The following MBD3 variants were observed in gnomAD, a reference collection of about 807,000 sequenced individuals.
MBD3 encodes methyl-CpG binding domain protein 3.
MBD3 carries 13 observed loss-of-function variants against 31.2 expected under a neutral mutation model. The ratio of observed to expected loss-of-function variants is 0.42; its 90% CI spans 0.27 to 0.66. The LOEUF is 0.66. Ranked by LOEUF, MBD3 falls within the 30% of genes least tolerant of loss-of-function variation. MBD3 has a pLI of 0.26. For missense variants in MBD3, 440 were observed against 426.5 expected (o/e 1.03, Z -0.28); for synonymous variants, 223 against 187.4 (o/e 1.19, Z -1.55).
chr19:1,579,959 T>A (rs11673199), intron 5 of MBD3, among the ~76,000 whole-genome samples: 2,051 of 152,294 alleles, frequency 0.013, 20 homozygotes, highest in Non-Finnish European at 0.022. Flanking sequence ...GGTTTCACCA[T>A]GTTGGCCAGG....
chr19:1,592,416 C>T (rs1400502964), intron 1 of MBD3, 106 bp downstream of exon 1: 2 of 302,526 alleles, frequency 6.6e-6, no homozygotes, highest in African/African-American at 2.3e-5. Flanking sequence ...ACGCACGACG[C>T]ACGCGCGGGG....
rs537537919 is a variant in MBD3, at chr19:1,578,032, C to G, written c.*132G>C. 1 of 508,358 alleles carries G rather than the reference C, an allele frequency of 2.0e-6. No homozygotes were observed. Among genetic ancestry groups the G allele is most frequent in the South Asian group, 2.2e-5 (1 of 46,128 alleles). 31.5% of individuals were successfully genotyped at this position (508,358 alleles called of 1,614,324 possible). On this transcript the variant is annotated 3_prime_UTR_variant, in exon 7 of 7. Transcript: ENST00000434436. This position sits in a 1 kb window ranked among gnomAD's most constrained non-coding sequence, Gnocchi z 6.1. ...AAGTGGGGACGGGCCGAGGAGGGAG[C>G]CAGGAGCACGGCCTTCCTCCTGGGT...
rs938969526 is a variant in MBD3, at chr19:1,577,887, T to A, written c.*277A>T. ...GAGCTGGCCTCGAGCCCAAAGGTCG[T>A]AGGGAGCCAGGCAGGGCCCAGGAGC... On this transcript the variant is annotated 3_prime_UTR_variant, in exon 7 of 7. Coordinates refer to ENST00000434436, the MANE Select transcript of MBD3 (RefSeq NM_001281453.2). The A allele has an allele frequency of 4.9e-6, 1 of 204,682 alleles. No individual in the cohort carries two copies. The highest frequency in any genetic ancestry group is 1.0e-5 in the Non-Finnish European group (1 of 99,380). 12.7% of individuals were successfully genotyped at this position (204,682 alleles called of 1,614,324 possible).
chr19:1,573,808 C>T lies in MBD3; in HGVS notation c.*4356G>A, dbSNP rs566668141. 2.6e-5 allele frequency: 4 copies of T among 152,100 alleles called. No individual in the cohort carries two copies. The highest frequency in any genetic ancestry group is 4.2e-4 in the South Asian group (2 of 4,810). 9.4% of individuals were successfully genotyped at this position (152,100 alleles called of 1,614,324 possible). On this transcript the variant is annotated 3_prime_UTR_variant, in exon 7 of 7. Coordinates refer to ENST00000434436, the MANE Select transcript of MBD3 (RefSeq NM_001281453.2). ...TTGCCCTCAACAAAATTCTTTTGCC[C>T]GTGGCCAACATGGTGAAACCCTGTC... is the stretch of plus-strand genomic sequence containing the variant.
intron 4 of MBD3, 37 bp from the exon 5 acceptor site, chr19:1,581,306 G>A (rs370702426): frequency 1.4e-5 from 22 of 1,591,674 alleles, no homozygotes; most frequent in East Asian, 2.3e-5. Context: ...AAGTGGAGAG[G>A]TCACCACGGG....
In MBD3 at chr19:1,588,319, G is replaced by A. The variant is rs914321144; in HGVS notation, c.111-3105C>T. 3.3e-5 allele frequency among the ~76,000 whole-genome samples: 5 copies of A among 152,148 alleles called. No individual in the cohort carries two copies. In the East Asian group the frequency reaches 5.8e-4, roughly 18 times the overall value. On this transcript the variant is annotated intron_variant, in intron 1 of 6. Transcript: ENST00000434436. The stretch of plus-strand genomic sequence containing the variant: ...TTAATTACTCTCTGGACTGGCTGAC[G>A]TTCAGTCGAAGCTGGTTTGCCCAGG...
At position 1,592,739 on chromosome 19, in the gene MBD3, C is replaced by T. The variant is rs924226911; in HGVS notation, c.-108G>A. The T allele has an allele frequency of 4.2e-6, 1 of 238,084 alleles. No individual in the cohort carries two copies. The highest frequency in any genetic ancestry group is 6.7e-6 in the Non-Finnish European group (1 of 148,156). The allele number at this position is 238,084 out of a possible 1,614,324, so 14.7% of individuals were successfully genotyped here. On this transcript the variant is annotated 5_prime_UTR_variant, in exon 1 of 7. Coordinates refer to ENST00000434436, the MANE Select transcript of MBD3 (RefSeq NM_001281453.2). ...CTGCCGCTGCCGCCGCCGCCACTTGCCGCGGCTGTTCCGGCCCGCGGGCCC... is the reference window on the plus strand; with the variant it reads ...CTGCCGCTGCCGCCGCCGCCACTTGTCGCGGCTGTTCCGGCCCGCGGGCCC...
chr19:1,581,980 G>T (rs1599342118), intron 4 of MBD3, among the ~76,000 whole-genome samples: 2 of 152,238 alleles, frequency 1.3e-5, no homozygotes, highest in South Asian at 2.1e-4. Flanking sequence ...TGTTAGCCAG[G>T]ATGATCTCGA....
At chr19:1,580,999 A>G in intron 5 of MBD3, 93 bp downstream of exon 5, 1 of 1,473,186 alleles carries the variant, frequency 6.8e-7, no homozygotes, top group Non-Finnish European at 9.4e-7. Context: ...CATCGTGGGG[A>G]GACGGGAAGC....
chr19:1,586,912 C>G (rs779141593), intron 1 of MBD3, among the ~76,000 whole-genome samples: 14 of 151,728 alleles, frequency 9.2e-5, no homozygotes, highest in Non-Finnish European at 1.9e-4. Flanking sequence ...GGTGATCTGT[C>G]CGCCTCAGCC....
At chr19:1,592,393 G>T in intron 1 of MBD3, 129 bp downstream of exon 1, 1 of 222,166 alleles carries the variant, frequency 4.5e-6, no homozygotes, top group South Asian at 1.6e-4. Flanking sequence ...ACGCACGCAA[G>T]ACGCACGCAC....
chr19:1,585,644 G>T lies in MBD3; in HGVS notation c.111-430C>A. On this transcript the variant is annotated intron_variant, in intron 1 of 6. Transcript: ENST00000434436. The surrounding 1 kb of genome is among the most constrained non-coding windows in gnomAD (Gnocchi z 4.1). ...CAAACGCTACTACCTACAGGGCTTT[G>T]GGCCCCGGCTCTGGGAGGATGGCTC... The T allele has an allele frequency of 4.5e-6, 1 of 224,536 alleles. No individual in the cohort carries two copies. The allele number at this position is 224,536 out of a possible 1,614,324, so 13.9% of individuals were successfully genotyped here.
chr19:1,589,129 C>T (rs1252984712), intron 1 of MBD3, among the ~76,000 whole-genome samples: 4 of 151,844 alleles, frequency 2.6e-5, no homozygotes, highest in Admixed American at 1.3e-4. Flanking sequence ...ATCAGGAGTT[C>T]GAGACCAGCC....
chr19:1,583,351 G>C (rs1265545937), intron 3 of MBD3: 2 of 132,962 alleles, frequency 1.5e-5, no homozygotes, highest in African/African-American at 2.9e-5. Flanking sequence ...TCCTGCCACT[G>C]CACTCCAGCC....
chr19:1,590,007 T>C (rs979986571), intron 1 of MBD3, among the ~76,000 whole-genome samples: 1 of 152,114 alleles, frequency 6.6e-6, no homozygotes, highest in South Asian at 2.1e-4. Flanking sequence ...ACTTTGTCAA[T>C]GTACTAAAAA....
At chr19:1,580,920 G>A (rs543372135) in intron 5 of MBD3, among the ~76,000 whole-genome samples, 172 bp downstream of exon 5, 4 of 152,220 alleles carry the variant, frequency 2.6e-5, no homozygotes, top group Non-Finnish European at 5.9e-5. Flanking sequence ...GGACGCGGGT[G>A]AAACGGTTCA....
At position 1,578,135 on chromosome 19, in the gene MBD3, C is replaced by T. The variant is rs1024196105; in HGVS notation, c.*29G>A. On this transcript the variant is annotated 3_prime_UTR_variant, in exon 7 of 7. Transcript: ENST00000434436. This position sits in a 1 kb window ranked among gnomAD's most constrained non-coding sequence, Gnocchi z 6.1. ...CGCGTCTGCAGGCGGCTCCAGCAGG[C>T]AGCACGGGCTCTCGGCAGGGCCTCT... 8.8e-6 allele frequency: 7 copies of T among 798,736 alleles called. No homozygotes were observed. Among genetic ancestry groups the T allele is most frequent in the East Asian group, 2.7e-5 (1 of 37,352 alleles). The allele number at this position is 798,736 out of a possible 1,614,324, so 49.5% of individuals were successfully genotyped here. A position where few individuals can be genotyped will look rare whatever the true frequency, so the allele number is the denominator to read the frequency against.
chr19:1,575,085 A>T lies in MBD3; in HGVS notation c.*3079T>A, dbSNP rs1359140349. On this transcript the variant is annotated 3_prime_UTR_variant, in exon 7 of 7. Transcript: ENST00000434436. ...ACCCTCTGTGGCGGCAGCGGTGGGG[A>T]GCTTGGTCTGAGGGGAGGCGGGGGA... 2.7e-6 allele frequency: 1 copy of T among 375,806 alleles called. No individual in the cohort carries two copies. Among genetic ancestry groups the T allele is most frequent in the South Asian group, 1.9e-5 (1 of 53,072 alleles). 23.3% of individuals were successfully genotyped at this position (375,806 alleles called of 1,614,324 possible).
At position 1,577,975 on chromosome 19, in the gene MBD3, G is replaced by A; in HGVS notation, c.*189C>T. On this transcript the variant is annotated 3_prime_UTR_variant, in exon 7 of 7. Transcript: ENST00000434436. ...AGCGTGGAGGGTCTTTCGGGTGGGG[G>A]CAGCCCCAGCTGTGTGCCCCGAGGC... The A allele has an allele frequency of 2.5e-6, 1 of 395,018 alleles. No homozygotes were observed. Among genetic ancestry groups the A allele is most frequent in the Non-Finnish European group, 4.7e-6 (1 of 211,268 alleles). 24.5% of individuals were successfully genotyped at this position (395,018 alleles called of 1,614,324 possible).
Sources: allele counts gnomAD v4.1 joint callset (sites outside exome capture counted in the v4.1 genomes callset), GRCh38; gene constraint gnomAD v4.1.1; non-coding constraint Gnocchi (gnomAD v3.1); transcripts MANE v1.5; gene names NCBI Gene and HGNC (gene_info 2026-07-23, HGNC 2026-07-21).